The following NUP205 variants were observed in gnomAD, a reference collection of about 807,000 sequenced individuals.
NUP205 encodes nucleoporin 205.
NUP205 carries 76 observed loss-of-function variants against 253.8 expected under a neutral mutation model. The observed-to-expected ratio is 0.30, with a 90% CI of 0.25 to 0.36. NUP205 has a LOEUF of 0.36. Among genes scored for constraint, NUP205 ranks in the 10% least tolerant of loss-of-function variants. The pLI is 1.00. For missense variants in NUP205, 2,162 were observed against 2,425.5 expected (o/e 0.89, Z 2.28); for synonymous variants, 832 against 850.1 (o/e 0.98, Z 0.37).
chr7:135,633,373 C>T (rs1340668281), intron 35 of NUP205, among the ~76,000 whole-genome samples: 3 of 152,118 alleles, frequency 2.0e-5, no homozygotes, highest in Non-Finnish European at 4.4e-5. Flanking sequence ...CCTCAGCCTC[C>T]CAAGTAGCTG....
intron 38 of NUP205, 81 bp from the exon 39 acceptor site, chr7:135,643,111 C>T (rs1794944346): frequency 1.5e-6 from 2 of 1,334,256 alleles, no homozygotes; most frequent in South Asian, 1.4e-5. Context: ...CTGGGGCATC[C>T]CTTGTTTTAA....
intron 22 of NUP205, among the ~76,000 whole-genome samples, chr7:135,611,017 T>C (rs76033921): frequency 6.6e-6 from 1 of 151,054 alleles, no homozygotes; most frequent in South Asian, 2.1e-4. Flanking sequence ...TTTTTTTTTT[T>C]GGGTGGGGGA....
At chr7:135,559,782 C>T (rs1289648809) in intron 1 of NUP205, among the ~76,000 whole-genome samples, 1 of 151,804 alleles carries the variant, frequency 6.6e-6, no homozygotes, top group East Asian at 1.9e-4. Context: ...GCCTCCACCT[C>T]CTGGGTTGGA....
At chr7:135,624,945 A>T (rs910474685) in intron 31 of NUP205, among the ~76,000 whole-genome samples, 6 of 152,188 alleles carry the variant, frequency 3.9e-5, no homozygotes, top group Non-Finnish European at 1.5e-5. Flanking sequence ...TTGGAAATAC[A>T]TCTTTACCTG....
chr7:135,638,826 G>A (rs1794866099), intron 38 of NUP205, 143 bp downstream of exon 38: 4 of 855,120 alleles, frequency 4.7e-6, no homozygotes, highest in Non-Finnish European at 1.9e-6. Context: ...TTAAAGTTGA[G>A]CGGGAGGTAT....
rs141069808 is a variant in NUP205, at chr7:135,577,381, C to T, written c.648+253C>T. ...TAATTAGCATATCCATCACCTCAAA[C>T]GTTTATTATTTCTTTGTGTTGGGAA... is the stretch of plus-strand genomic sequence containing the variant. On this transcript the variant is annotated intron_variant, in intron 5 of 42. Transcript: ENST00000285968. 5.4e-4 allele frequency among the ~76,000 whole-genome samples: 82 copies of T among 152,098 alleles called. 1 individual carries two copies. Among genetic ancestry groups the T allele is most frequent in the African/African-American group, 1.6e-3 (66 of 41,512 alleles).
At chr7:135,571,456 G>A (rs879766483) in intron 2 of NUP205, among the ~76,000 whole-genome samples, 1 of 149,648 alleles carries the variant, frequency 6.7e-6, no homozygotes, top group Non-Finnish European at 1.5e-5. Context: ...GCCCAGGCTT[G>A]TCTTGGACTT....
In NUP205 at chr7:135,607,336, C is replaced by G; in HGVS notation, c.3160C>G (p.Arg1054Gly). ...TEGRTGPVAVRESPQLAELCY... is the reference protein window; with the variant it reads ...TEGRTGPVAVGESPQLAELCY... ...AGGGAGAACAGGCCCAGTGGCGGTG[C>G]GAGAATCTCCTCAGCTGGCTGAGCT... Residue 1054 changes from arginine to glycine, a missense_variant, in exon 22 of 43, where the codon CGA (arginine) becomes GGA (glycine). Physicochemically the swap from Arg to Gly is moderately radical, Grantham distance 125. This residue lies in a region of NUP205 where 1,144 missense variants were observed against 1,280.9 expected (regional missense o/e 0.89). Transcript: ENST00000285968. 1 of 1,613,892 alleles carries G rather than the reference C, an allele frequency of 6.2e-7. No homozygotes were observed. Among genetic ancestry groups the G allele is most frequent in the Non-Finnish European group, 8.5e-7 (1 of 1,179,872 alleles).
intron 10 of NUP205, among the ~76,000 whole-genome samples, chr7:135,588,414 T>TA (rs1489796147): frequency 6.6e-6 from 1 of 151,058 alleles, no homozygotes; most frequent in Non-Finnish European, 1.5e-5. Flanking sequence ...GTGCTGGATT[T>TA]ACAGGCATGA....
chr7:135,623,665 C>T (rs1376238335), intron 31 of NUP205, among the ~76,000 whole-genome samples: 1 of 151,538 alleles, frequency 6.6e-6, no homozygotes. Context: ...ATAACTTCTT[C>T]TTAATGGAAA....
intron 21 of NUP205, 64 bp downstream of exon 21, chr7:135,606,979 T>C (rs972502211): frequency 1.4e-6 from 2 of 1,472,300 alleles, no homozygotes; most frequent in African/African-American, 1.4e-5. Flanking sequence ...GGGTCACTGA[T>C]TGCATTCTGG....
chr7:135,574,254 G>A (rs1806086728), intron 3 of NUP205, among the ~76,000 whole-genome samples: 2 of 152,132 alleles, frequency 1.3e-5, no homozygotes, highest in Admixed American at 1.3e-4. Context: ...GGCAGGTAAG[G>A]TCACCACTTT....
intron 21 of NUP205, 122 bp from the exon 22 acceptor site, chr7:135,607,125 T>C: frequency 7.7e-7 from 1 of 1,292,144 alleles, no homozygotes; most frequent in Non-Finnish European, 1.1e-6. Flanking sequence ...CTGTTATCAG[T>C]ATTTGAAAGA....
chr7:135,608,229 T>C (rs1310496100), intron 22 of NUP205, among the ~76,000 whole-genome samples: 1 of 152,072 alleles, frequency 6.6e-6, no homozygotes, highest in Admixed American at 6.6e-5. Flanking sequence ...TTTCATCATG[T>C]TGGCCAGGAT....
intron 1 of NUP205, among the ~76,000 whole-genome samples, chr7:135,559,792 A>G (rs1805532692): frequency 6.7e-6 from 1 of 149,468 alleles, no homozygotes; most frequent in South Asian, 2.1e-4. Context: ...CCTGGGTTGG[A>G]GCAACTCTCC....
intron 7 of NUP205, among the ~76,000 whole-genome samples, chr7:135,580,252 C>CT (rs1211497634): frequency 6.6e-6 from 1 of 152,064 alleles, no homozygotes; most frequent in Admixed American, 6.6e-5. Flanking sequence ...TTGCAGAAAG[C>CT]TTTTTTTGTG....
chr7:135,628,191 T>C (rs2129491896), intron 34 of NUP205, 80 bp downstream of exon 34: 2 of 1,364,868 alleles, frequency 1.5e-6, no homozygotes, highest in East Asian at 2.3e-5. Flanking sequence ...ACACATAGAA[T>C]GCTTAAGTGA....
At chr7:135,581,865 A>T (rs2129489954) in intron 7 of NUP205, among the ~76,000 whole-genome samples, 1 of 152,108 alleles carries the variant, frequency 6.6e-6, no homozygotes, top group East Asian at 1.9e-4. Flanking sequence ...AAAAAAAAAA[A>T]TCAACAAAAA....
At chr7:135,626,487 A>G in intron 33 of NUP205, 126 bp downstream of exon 33, 2 of 986,518 alleles carry the variant, frequency 2.0e-6, no homozygotes, top group Admixed American at 2.7e-5. Context: ...TTTTTTGGTC[A>G]TACTGTGCCC....
Sources: allele counts gnomAD v4.1 joint callset (sites outside exome capture counted in the v4.1 genomes callset), GRCh38; gene constraint gnomAD v4.1.1; regional missense constraint gnomAD v4.1.1; transcripts MANE v1.5; gene names NCBI Gene and HGNC (gene_info 2026-07-23, HGNC 2026-07-21).